The following TRIML2 variants were observed in gnomAD, a reference collection of about 807,000 sequenced individuals.
TRIML2 encodes the protein tripartite motif family like 2, also known as probable E3 ubiquitin-protein ligase TRIML2.
In TRIML2, 28 loss-of-function variants were observed where a neutral mutation model predicts 31.2. The observed-to-expected ratio is 0.90, with a 90% confidence interval of 0.66 to 1.23. The LOEUF is 1.23. TRIML2 is among the 50% of genes most tolerant of loss of function. The pLI is 0.00. For synonymous variants in TRIML2, 187 were observed against 197.5 expected, an observed-to-expected ratio of 0.95 and a Z score of 0.45; for missense variants, 536 against 528.3, an observed-to-expected ratio of 1.01 and a Z score of -0.14.
At position 188,097,101 on chromosome 4, in the gene TRIML2, G is replaced by A. The variant is rs144128750; in HGVS notation, c.705C>T (p.Cys235=). 5.0e-5 allele frequency: 81 copies of A among 1,613,890 alleles called. No individual in the cohort carries two copies. Among genetic ancestry groups the A allele is most frequent in the Non-Finnish European group, 6.0e-5 (71 of 1,179,956 alleles). ...ACATGCTGCTGAGTCCTCTTATGTG[G>A]CATAAACTCAGGTCTGTGATATGAG... ...EPAHITDLSL[C]HIRGLSSMFR... Residue 235 remains cysteine, a synonymous_variant, in exon 7 of 8, where the codon TGC becomes TGT. Coordinates refer to ENST00000682553, the MANE Select transcript of TRIML2 (RefSeq NM_173553.4).
At chr4:188,093,702 C>G (rs781680208) in intron 7 of TRIML2, among the ~76,000 whole-genome samples, 8 of 151,884 alleles carry the variant, frequency 5.3e-5, no homozygotes, top group Non-Finnish European at 1.0e-4. Context: ...ACAGGAGTAT[C>G]TCAAGAGAAA....
intron 7 of TRIML2, 34 bp from the exon 8 acceptor site, chr4:188,091,975 G>A (rs377738164): frequency 1.9e-6 from 3 of 1,572,010 alleles, no homozygotes; most frequent in African/African-American, 1.3e-5. Context: ...TAACCTAGGA[G>A]TTCACCAATG....
chr4:188,092,461 A>AAAATAAAC (rs1733310519), intron 7 of TRIML2, among the ~76,000 whole-genome samples: 1 of 149,792 alleles, frequency 6.7e-6, no homozygotes, highest in African/African-American at 2.5e-5. Flanking sequence ...ACTCCATCTC[A>AAAATAAAC]AAACAAACAA....
chr4:188,092,672 C>G, intron 7 of TRIML2: 1 of 421,698 alleles, frequency 2.4e-6, no homozygotes, highest in Non-Finnish European at 4.8e-6. Flanking sequence ...AATATCCCCA[C>G]AGGGTGACAT....
intron 1 of TRIML2, among the ~76,000 whole-genome samples, chr4:188,108,226 T>C (rs373051019): frequency 3.3e-5 from 5 of 152,202 alleles, no homozygotes; most frequent in African/African-American, 1.2e-4. Context: ...TAGGTAATCT[T>C]ACTCGTTTCT....
chr4:188,092,997 G>C, intron 7 of TRIML2: 1 of 396,176 alleles, frequency 2.5e-6, no homozygotes, highest in Non-Finnish European at 5.1e-6. Flanking sequence ...CATCTTCTCT[G>C]TGTTTGTGAC....
chr4:188,106,122 T>A (rs1246472543), intron 1 of TRIML2: 1 of 151,808 alleles, frequency 6.6e-6, no homozygotes. Context: ...CGATCTCGGC[T>A]CCCTGCAAGC....
In TRIML2 at chr4:188,097,086, G is replaced by A; in HGVS notation, c.720C>T (p.Leu240=). The A allele has an allele frequency of 8.1e-6, 13 of 1,613,796 alleles. No homozygotes were observed. Among genetic ancestry groups the A allele is most frequent in the Non-Finnish European group, 1.1e-5 (13 of 1,179,730 alleles). Residue 240 remains leucine, a synonymous_variant, in exon 7 of 8, where the codon CTC becomes CTT. Coordinates refer to ENST00000682553, the MANE Select transcript of TRIML2 (RefSeq NM_173553.4). ...TDLSLCHIRG[L]SSMFRVLQRH... ...TCTGGAGTACTCTGAACATGCTGCT[G>A]AGTCCTCTTATGTGGCATAAACTCA...
chr4:188,098,890 C>A lies in TRIML2; in HGVS notation c.621+145G>T, dbSNP rs1733644969. Reference sequence around the variant, plus strand: ...CTATGACCATTCCTAAAGCTTTTGGCAGCTGAAAGAAAGTCATGTAGCCTT... The same window carrying A: ...CTATGACCATTCCTAAAGCTTTTGGAAGCTGAAAGAAAGTCATGTAGCCTT... On this transcript the variant is annotated intron_variant, in intron 5 of 7. Coordinates refer to ENST00000682553, the MANE Select transcript of TRIML2 (RefSeq NM_173553.4). 3.3e-6 allele frequency: 3 copies of A among 900,534 alleles called. No individual in the cohort carries two copies. In the Admixed American group the frequency reaches 8.6e-5, roughly 26 times the overall value. 55.8% of individuals were successfully genotyped at this position (900,534 alleles called of 1,614,324 possible). A position where few individuals can be genotyped will look rare whatever the true frequency, so the allele number is the denominator to read the frequency against.
intron 7 of TRIML2, among the ~76,000 whole-genome samples, chr4:188,095,848 A>G (rs1181901133): frequency 1.3e-5 from 2 of 152,222 alleles, no homozygotes; most frequent in Non-Finnish European, 2.9e-5. Flanking sequence ...ACAATGGAAT[A>G]TTATCAACAA....
intron 4 of TRIML2, among the ~76,000 whole-genome samples, chr4:188,100,562 T>A (rs1033536158): frequency 6.6e-6 from 1 of 151,854 alleles, no homozygotes; most frequent in African/African-American, 2.4e-5. Flanking sequence ...CTCTACTAAA[T>A]ATACAAAAAA....
intron 3 of TRIML2, among the ~76,000 whole-genome samples, chr4:188,103,248 C>T (rs914503387): frequency 2.0e-5 from 3 of 152,122 alleles, no homozygotes; most frequent in Admixed American, 6.5e-5. Context: ...GATCCGCCCG[C>T]CTCGGCCTCC....
chr4:188,103,246 C>A (rs529441683), intron 3 of TRIML2, among the ~76,000 whole-genome samples: 1 of 151,962 alleles, frequency 6.6e-6, no homozygotes, highest in Non-Finnish European at 1.5e-5. Context: ...GTGATCCGCC[C>A]GCCTCGGCCT....
At chr4:188,106,330 C>T (rs1417134393) in intron 1 of TRIML2, among the ~76,000 whole-genome samples, 1 of 152,218 alleles carries the variant, frequency 6.6e-6, no homozygotes, top group Non-Finnish European at 1.5e-5. Flanking sequence ...GGATTCCAGG[C>T]GTGAGCCACC....
At chr4:188,093,363 A>G (rs979778591) in intron 7 of TRIML2, among the ~76,000 whole-genome samples, 6 of 152,182 alleles carry the variant, frequency 3.9e-5, no homozygotes, top group African/African-American at 1.4e-4. Context: ...AAACAAATGC[A>G]AATTATCTCT....
At chr4:188,093,922 G>T (rs1318044401) in intron 7 of TRIML2, among the ~76,000 whole-genome samples, 1 of 151,854 alleles carries the variant, frequency 6.6e-6, no homozygotes, top group Non-Finnish European at 1.5e-5. Context: ...GACCAACAGA[G>T]TGAAACCCCG....
chr4:188,093,883 T>A (rs1733379146), intron 7 of TRIML2, among the ~76,000 whole-genome samples: 1 of 151,450 alleles, frequency 6.6e-6, no homozygotes, highest in African/African-American at 2.4e-5. Flanking sequence ...GGCAGGCAGA[T>A]CACGAGGTTG....
intron 3 of TRIML2, among the ~76,000 whole-genome samples, chr4:188,102,349 G>A (rs1457123160): frequency 6.6e-6 from 1 of 151,974 alleles, no homozygotes; most frequent in Non-Finnish European, 1.5e-5. Flanking sequence ...AATATATAGA[G>A]AGAATCTATG....
At chr4:188,109,020 A>G (rs1463205991) in intron 1 of TRIML2, among the ~76,000 whole-genome samples, 1 of 152,132 alleles carries the variant, frequency 6.6e-6, no homozygotes, top group Non-Finnish European at 1.5e-5. Flanking sequence ...GTAATGAGAG[A>G]GGGACAGAGA....
Sources: gnomAD v4.1 joint callset for allele counts (sites outside exome capture counted in the v4.1 genomes callset) on GRCh38, gnomAD v4.1.1 for gene constraint, MANE v1.5 for transcripts, NCBI Gene and HGNC (gene_info 2026-07-23, HGNC 2026-07-21) for gene names.